Variants in MARCHF3 observed in about 807,000 individuals in gnomAD.
MARCHF3 encodes membrane associated ring-CH-type finger 3, also known as E3 ubiquitin-protein ligase MARCHF3.
Under a neutral mutation model 24.2 loss-of-function variants are expected in MARCHF3, and 13 were observed. That is an observed-to-expected ratio of 0.54 (90% CI 0.35 to 0.85). The LOEUF is 0.85. Among genes scored for constraint, MARCHF3 ranks in the 40% least tolerant of loss-of-function variants. The pLI is 0.01. For missense variants in MARCHF3, 276 were observed against 325.0 expected (o/e 0.85, Z 1.16); for synonymous variants, 144 against 137.3 (o/e 1.05, Z -0.34).
chr5:126,983,945 C>A lies in MARCHF3; in HGVS notation c.-57+46405G>T, dbSNP rs148260327. On this transcript the variant is annotated intron_variant, in intron 1 of 4. Transcript: ENST00000308660. ...AGAAATTAACTGGAAAATACAGAAG[C>A]CACTATCATACAACTAAGAGAGAGA... 2.0e-5 allele frequency among the ~76,000 whole-genome samples: 3 copies of A among 152,262 alleles called. No individual in the cohort carries two copies. In the East Asian group the frequency reaches 5.8e-4, roughly 29 times the overall value.
intron 1 of MARCHF3, among the ~76,000 whole-genome samples, chr5:126,921,498 T>A (rs537163717): frequency 4.6e-5 from 7 of 152,280 alleles, no homozygotes; most frequent in African/African-American, 1.7e-4. Context: ...GCCCACTGCA[T>A]TTTCCTTGTC....
chr5:126,909,716 C>G (rs1035046942), intron 3 of MARCHF3, among the ~76,000 whole-genome samples: 1 of 152,188 alleles, frequency 6.6e-6, no homozygotes, highest in African/African-American at 2.4e-5. Context: ...CTGTCTGGCA[C>G]TCCCTAGTGA....
chr5:126,932,816 T>C (rs1749521785), intron 1 of MARCHF3, among the ~76,000 whole-genome samples: 1 of 152,192 alleles, frequency 6.6e-6, no homozygotes. Flanking sequence ...AAGAGCCAGG[T>C]ACCATTTTGG....
At chr5:126,960,668 G>A (rs1342593261) in intron 1 of MARCHF3, among the ~76,000 whole-genome samples, 1 of 151,970 alleles carries the variant, frequency 6.6e-6, no homozygotes, top group Non-Finnish European at 1.5e-5. Flanking sequence ...CTGTTTTGAT[G>A]ACTTAAATAC....
intron 1 of MARCHF3, among the ~76,000 whole-genome samples, chr5:126,947,916 C>G (rs1015999885): frequency 2.0e-5 from 3 of 151,998 alleles, no homozygotes; most frequent in African/African-American, 7.3e-5. Flanking sequence ...GAACTGTTGT[C>G]CTAACCATGA....
At chr5:126,955,678 T>A (rs930190524) in intron 1 of MARCHF3, among the ~76,000 whole-genome samples, 2 of 152,232 alleles carry the variant, frequency 1.3e-5, no homozygotes, top group Admixed American at 6.5e-5. Flanking sequence ...TTATACTGAT[T>A]TGTAAGGATT....
At chr5:126,905,578 T>C (rs1015897035) in intron 3 of MARCHF3, among the ~76,000 whole-genome samples, 2 of 151,946 alleles carry the variant, frequency 1.3e-5, no homozygotes, top group South Asian at 2.1e-4. Context: ...TTTGAAGCAA[T>C]TGTGAATGGG....
intron 1 of MARCHF3, among the ~76,000 whole-genome samples, chr5:126,928,147 AT>A (rs1749357046): frequency 1.3e-5 from 2 of 152,216 alleles, no homozygotes; most frequent in African/African-American, 4.8e-5. Context: ...CACGGAGCTC[AT>A]TCATTTGTTT....
At chr5:126,966,278 T>C (rs1475431210) in intron 1 of MARCHF3, among the ~76,000 whole-genome samples, 2 of 152,222 alleles carry the variant, frequency 1.3e-5, no homozygotes, top group Admixed American at 1.3e-4. Context: ...TACGCAGGTG[T>C]ATACATTTGT....
At chr5:127,024,476 G>C (rs1454227885) in intron 1 of MARCHF3, among the ~76,000 whole-genome samples, 5 of 152,156 alleles carry the variant, frequency 3.3e-5, no homozygotes, top group Non-Finnish European at 5.9e-5. Flanking sequence ...GCCTGAAGAA[G>C]ACATCAGGTC....
chr5:126,973,940 G>C (rs920479774), intron 1 of MARCHF3, among the ~76,000 whole-genome samples: 3 of 137,590 alleles, frequency 2.2e-5, no homozygotes, highest in African/African-American at 8.2e-5. Flanking sequence ...GCCCAGGCCG[G>C]ACTGCGGACT....
intron 3 of MARCHF3, among the ~76,000 whole-genome samples, chr5:126,900,884 T>C (rs1231039664): frequency 6.6e-6 from 1 of 151,900 alleles, no homozygotes; most frequent in Non-Finnish European, 1.5e-5. Flanking sequence ...GTGTTTTCAG[T>C]AGAGACAGGG....
chr5:126,886,065 A>C (rs1321202315), intron 3 of MARCHF3, among the ~76,000 whole-genome samples: 1 of 151,982 alleles, frequency 6.6e-6, no homozygotes, highest in Non-Finnish European at 1.5e-5. Flanking sequence ...TACATACCAC[A>C]TATCCTCTTA....
At chr5:127,023,204 A>G (rs1019421830) in intron 1 of MARCHF3, among the ~76,000 whole-genome samples, 2 of 152,198 alleles carry the variant, frequency 1.3e-5, no homozygotes, top group Non-Finnish European at 1.5e-5. Flanking sequence ...CAGGACATCC[A>G]TATATAATGA....
intron 1 of MARCHF3, among the ~76,000 whole-genome samples, chr5:126,946,031 C>T (rs1305346020): frequency 6.6e-6 from 1 of 151,966 alleles, no homozygotes; most frequent in African/African-American, 2.4e-5. Context: ...GTGACCCATT[C>T]GTGAGTGGTG....
chr5:126,902,468 A>G (rs1289268133), intron 3 of MARCHF3, among the ~76,000 whole-genome samples: 6 of 152,082 alleles, frequency 3.9e-5, no homozygotes, highest in African/African-American at 1.4e-4. Context: ...ATCCAACCCA[A>G]GTTCACAGCA....
intron 1 of MARCHF3, among the ~76,000 whole-genome samples, chr5:126,976,457 G>C (rs141821831): frequency 2.0e-5 from 3 of 152,252 alleles, no homozygotes; most frequent in African/African-American, 7.2e-5. Flanking sequence ...CCTCTGCTTT[G>C]GGCTACCCTG....
chr5:126,896,051 C>T (rs112180390), intron 3 of MARCHF3, among the ~76,000 whole-genome samples: 10 of 152,118 alleles, frequency 6.6e-5, no homozygotes, highest in African/African-American at 1.4e-4. Context: ...CGCAGTATTC[C>T]GGTGGGAGTG....
chr5:127,015,732 T>G (rs1752618481), intron 1 of MARCHF3, among the ~76,000 whole-genome samples: 1 of 152,166 alleles, frequency 6.6e-6, no homozygotes, highest in Admixed American at 6.6e-5. Context: ...CAGCAGTACA[T>G]CCCCCCACTT....
Sources: gnomAD v4.1 joint callset for allele counts (sites outside exome capture counted in the v4.1 genomes callset) on GRCh38, gnomAD v4.1.1 for gene constraint, MANE v1.5 for transcripts, NCBI Gene and HGNC (gene_info 2026-07-23, HGNC 2026-07-21) for gene names.